Variants in PCSK5 observed in about 807,000 individuals in gnomAD.
PCSK5 encodes prohormone convertase 5.
PCSK5 carries 129 observed loss-of-function variants against 233.2 expected under a neutral mutation model. The ratio of observed to expected loss-of-function variants is 0.55; its 90% CI spans 0.48 to 0.64. The LOEUF (loss-of-function observed/expected upper bound fraction) is 0.64. Ranked by LOEUF, PCSK5 falls within the 30% of genes least tolerant of loss-of-function variation. The pLI, the probability that PCSK5 is intolerant of heterozygous loss-of-function variation, is 0.00. For synonymous variants in PCSK5, 825 were observed against 879.2 expected, an observed-to-expected ratio of 0.94 and a Z score of 1.09; for missense variants, 2,076 against 2,430.1, an observed-to-expected ratio of 0.85 and a Z score of 3.06.
intron 6 of PCSK5, among the ~76,000 whole-genome samples, chr9:76,070,635 T>C (rs1457059214): frequency 6.6e-6 from 1 of 152,228 alleles, no homozygotes; most frequent in Non-Finnish European, 1.5e-5. Flanking sequence ...TATGTATATA[T>C]ATGTTCATTC....
intron 26 of PCSK5, 105 bp from the exon 27 acceptor site, chr9:76,296,560 C>T: frequency 1.4e-6 from 1 of 701,592 alleles, no homozygotes. Flanking sequence ...ATAATAAAAA[C>T]AAATGCAAAG....
intron 10 of PCSK5, among the ~76,000 whole-genome samples, chr9:76,154,813 A>G (rs896874330): frequency 5.3e-5 from 8 of 151,888 alleles, no homozygotes; most frequent in African/African-American, 1.9e-4. Context: ...TAAGAACATA[A>G]TGATTCTCAT....
rs571998114 is a variant in PCSK5, at chr9:76,361,099, C to T, written c.*2177C>T. 2.0e-5 allele frequency: 3 copies of T among 152,092 alleles called. No individual in the cohort carries two copies. In the East Asian group the frequency reaches 5.9e-4, roughly 30 times the overall value. 9.4% of individuals were successfully genotyped at this position (152,092 alleles called of 1,614,324 possible). On this transcript the variant is annotated 3_prime_UTR_variant, in exon 38 of 38. Transcript: ENST00000674117. Reference sequence around the variant, plus strand: ...GTGGCTCATACCTCTAATCCTAGCACTTTGGGAGACTGAGGCAGGCAGATC... The same window carrying T: ...GTGGCTCATACCTCTAATCCTAGCATTTTGGGAGACTGAGGCAGGCAGATC...
At chr9:76,335,341 T>C (rs552023706) in intron 34 of PCSK5, among the ~76,000 whole-genome samples, 1 of 152,324 alleles carries the variant, frequency 6.6e-6, no homozygotes, top group Admixed American at 6.5e-5. Context: ...TAGATCTCTT[T>C]AATAAAGAAG....
intron 9 of PCSK5, among the ~76,000 whole-genome samples, chr9:76,129,470 C>A (rs1390683127): frequency 2.0e-5 from 3 of 152,114 alleles, no homozygotes; most frequent in African/African-American, 7.2e-5. Context: ...GATAAATTCT[C>A]TTTCTGTAAT....
intron 10 of PCSK5, among the ~76,000 whole-genome samples, chr9:76,142,757 A>C (rs555058157): frequency 3.3e-5 from 5 of 152,196 alleles, no homozygotes. Context: ...TTAGAAATGA[A>C]ATTTGGTCTC....
chr9:76,332,806 C>T (rs759652901), intron 34 of PCSK5, among the ~76,000 whole-genome samples, 196 bp downstream of exon 34: 1 of 152,196 alleles, frequency 6.6e-6, no homozygotes, highest in Non-Finnish European at 1.5e-5. Context: ...AGTGAGTTAA[C>T]ACAAAGGGTC....
rs75002165 is a variant in PCSK5 at position 76,219,150 on chromosome 9, C to T, written c.2627-8353C>T. Among the ~76,000 whole-genome samples, 1,038 of 152,254 alleles carry T rather than the reference C, an allele frequency of 6.8e-3. 11 individuals are homozygous for T. Among genetic ancestry groups the T allele is most frequent in the African/African-American group, 0.024 (989 of 41,534 alleles). On this transcript the variant is annotated intron_variant, in intron 20 of 37. Transcript: ENST00000674117. ...CAGCTCCTCCTCTCTCCAGGGGCTT[C>T]TCTTTTCTCTTAATTAGAGATTTGG...
chr9:76,330,349 T>C (rs1264067596), intron 33 of PCSK5, among the ~76,000 whole-genome samples: 1 of 151,874 alleles, frequency 6.6e-6, no homozygotes, highest in Non-Finnish European at 1.5e-5. Flanking sequence ...AAAAAAGAAG[T>C]CATAGGAGAC....
chr9:75,908,933 C>G lies in PCSK5; in HGVS notation c.192+17560C>G, dbSNP rs780316778. On this transcript the variant is annotated intron_variant, in intron 1 of 37. Coordinates refer to ENST00000674117, the MANE Select transcript of PCSK5 (RefSeq NM_001372043.1). ...TATCTATCTATCTATCTCTCTATCTCTCTCTCTGTCTATCTATCTATCTAT... is the reference window on the plus strand; with the variant it reads ...TATCTATCTATCTATCTCTCTATCTGTCTCTCTGTCTATCTATCTATCTAT... 5.4e-3 allele frequency among the ~76,000 whole-genome samples: 507 copies of G among 94,444 alleles called. 2 individuals carry two copies. The highest frequency in any genetic ancestry group is 0.013 in the African/African-American group (365 of 27,658). The allele number at this position is 94,444 out of a possible 152,430, so 62.0% of individuals were successfully genotyped here.
At chr9:76,085,147 C>T (rs1831012000) in intron 7 of PCSK5, among the ~76,000 whole-genome samples, 1 of 152,176 alleles carries the variant, frequency 6.6e-6, no homozygotes, top group South Asian at 2.1e-4. Context: ...CAGGTGGGCC[C>T]ATCTGTTCAC....
At chr9:76,329,054 A>T (rs934342262) in intron 33 of PCSK5, among the ~76,000 whole-genome samples, 3 of 148,552 alleles carry the variant, frequency 2.0e-5, no homozygotes, top group African/African-American at 7.5e-5. Context: ...CCTGGCCTCA[A>T]GCAGTCTGCC....
At chr9:76,064,740 G>C (rs905195526) in intron 5 of PCSK5, among the ~76,000 whole-genome samples, 1 of 147,756 alleles carries the variant, frequency 6.8e-6, no homozygotes, top group African/African-American at 2.5e-5. Flanking sequence ...ACGGGGTCTC[G>C]GCCGGGCAGA....
chr9:76,096,956 G>C (rs1423736909), intron 8 of PCSK5, among the ~76,000 whole-genome samples: 1 of 148,344 alleles, frequency 6.7e-6, no homozygotes, highest in East Asian at 2.0e-4. Flanking sequence ...TTTTGAGACA[G>C]AGTCTCGCTC....
rs541862377 is a variant in PCSK5, at chr9:76,110,276, AAAGCTGCAAGAG to A, written c.1208+2926_1208+2937del. ...CTGGATATGCTGAGCCTTTGAATGA[AAAGCTGCAAGAG>A]TCTGCCAGTCCCTATTTGAACTGCA... On this transcript the variant is annotated intron_variant, in intron 9 of 37. Coordinates refer to ENST00000674117, the MANE Select transcript of PCSK5 (RefSeq NM_001372043.1). Among the ~76,000 whole-genome samples the A allele has an allele frequency of 9.8e-5, 15 of 152,346 alleles. No homozygotes were observed. In the South Asian group the frequency reaches 2.9e-3, roughly 29 times the overall value.
chr9:76,233,836 T>G (rs1826173595), intron 22 of PCSK5, among the ~76,000 whole-genome samples: 1 of 151,910 alleles, frequency 6.6e-6, no homozygotes, highest in African/African-American at 2.4e-5. Flanking sequence ...AGCTAAGAGA[T>G]GCCTTTCCAG....
chr9:76,240,607 T>C lies in PCSK5; in HGVS notation c.3074-9T>C, dbSNP rs1363903087. ...ATGAGTTGTGTTTTTCACTTCTCTG[T>C]CTGTGTAGGTGAAGTCCAAGACCCA... On this transcript the variant is annotated splice_polypyrimidine_tract_variant and intron_variant, in intron 23 of 37. Transcript: ENST00000674117. The C allele has an allele frequency of 3.8e-6, 6 of 1,559,312 alleles. No homozygotes were observed. The African/African-American group carries it at 6.7e-5, about 18-fold the overall frequency.
chr9:75,931,519 G>GGAATTA (rs1823798223), intron 1 of PCSK5, among the ~76,000 whole-genome samples: 1 of 152,094 alleles, frequency 6.6e-6, no homozygotes, highest in African/African-American at 2.4e-5. Context: ...AGTGTCAGCT[G>GGAATTA]GAATTAGAAC....
intron 7 of PCSK5, among the ~76,000 whole-genome samples, chr9:76,084,635 G>A (rs1200274333): frequency 6.6e-6 from 1 of 152,116 alleles, no homozygotes; most frequent in Non-Finnish European, 1.5e-5. Context: ...CCCTGTTAAG[G>A]GAAGATTCAA....
Sources: gnomAD v4.1 joint callset for allele counts (sites outside exome capture counted in the v4.1 genomes callset) on GRCh38, gnomAD v4.1.1 for gene constraint, MANE v1.5 for transcripts, NCBI Gene and HGNC (gene_info 2026-07-23, HGNC 2026-07-21) for gene names.